The following PTPRC variants were observed in gnomAD, a reference collection of about 807,000 sequenced individuals.
PTPRC encodes the protein protein tyrosine phosphatase receptor type C, also known as receptor-type tyrosine-protein phosphatase C.
PTPRC carries 44 observed loss-of-function variants against 155.9 expected under a neutral mutation model. The ratio of observed to expected loss-of-function variants is 0.28; its 90% confidence interval spans 0.22 to 0.36. The LOEUF is 0.36. Among genes scored for constraint, PTPRC ranks in the 10% least tolerant of loss-of-function variants. The pLI, the probability that PTPRC is intolerant of heterozygous loss-of-function variation, is 1.00. For missense variants in PTPRC, 1,401 were observed against 1,564.6 expected, an observed-to-expected ratio of 0.90 and a Z score of 1.76; for synonymous variants, 525 against 533.1, an observed-to-expected ratio of 0.98 and a Z score of 0.21.
intron 2 of PTPRC, among the ~76,000 whole-genome samples, chr1:198,662,822 A>C (rs1204015431): frequency 1.3e-5 from 2 of 152,162 alleles, no homozygotes; most frequent in African/African-American, 4.8e-5. Flanking sequence ...TATAACTGTC[A>C]CACTTAAATG....
intron 11 of PTPRC, among the ~76,000 whole-genome samples, chr1:198,711,069 C>A (rs961072569): frequency 6.6e-6 from 1 of 152,074 alleles, no homozygotes; most frequent in Non-Finnish European, 1.5e-5. Flanking sequence ...CATGATCCGC[C>A]CACCTTGGCC....
intron 2 of PTPRC, 147 bp from the exon 3 acceptor site, chr1:198,692,200 G>A (rs1665964346): frequency 2.0e-6 from 1 of 493,144 alleles, no homozygotes; most frequent in African/African-American, 2.0e-5. Flanking sequence ...AGGAAATATA[G>A]TTTCATTAGG....
intron 23 of PTPRC, 102 bp downstream of exon 23, chr1:198,735,354 T>C: frequency 9.0e-7 from 1 of 1,113,448 alleles, no homozygotes; most frequent in Non-Finnish European, 1.3e-6. Flanking sequence ...GGAAAAATTA[T>C]TTTTGATAAC....
chr1:198,663,305 A>G (rs1235695332), intron 2 of PTPRC, among the ~76,000 whole-genome samples: 1 of 152,232 alleles, frequency 6.6e-6, no homozygotes, highest in Admixed American at 6.5e-5. Flanking sequence ...CAATTTGAAT[A>G]ATAATAGTCT....
Position 198,729,134 on chromosome 1 carries a change from C to T in PTPRC, c.1830-3C>T, listed in dbSNP as rs1002172116. ...TAGAAACTTATTTTTCCTATTTTCA[C>T]AGCAATTTAGATGAACAGCAGGAGC... On this transcript the variant is annotated splice_polypyrimidine_tract_variant and splice_region_variant and intron_variant, in intron 16 of 32. Transcript: ENST00000442510. 11 of 1,610,256 alleles carry T rather than the reference C, an allele frequency of 6.8e-6. No homozygotes were observed. Among genetic ancestry groups the T allele is most frequent in the Non-Finnish European group, 9.3e-6 (11 of 1,178,094 alleles).
rs750674861 is a variant in PTPRC at position 198,702,445 on chromosome 1, G to T, written c.498G>T (p.Leu166Phe). ...STFPTDPVSP[L>F]TTTLSLAHHS... ...TTCCTACAGACCCAGTTTCCCCATT[G>T]ACAACCACCCTCAGCCTTGCACACC... The change falls in exon 6 of 33, where the codon TTG becomes TTT. Residue 166 changes from leucine (L) to phenylalanine (F), a missense_variant. Coordinates refer to ENST00000442510, the MANE Select transcript of PTPRC (RefSeq NM_002838.5). 3.7e-6 allele frequency: 6 copies of T among 1,614,110 alleles called. No homozygotes were observed. In the Middle Eastern group the frequency reaches 4.9e-4, roughly 133 times the overall value.
At chr1:198,658,168 G>C (rs1274458688) in intron 2 of PTPRC, among the ~76,000 whole-genome samples, 1 of 152,034 alleles carries the variant, frequency 6.6e-6, no homozygotes, top group Admixed American at 6.6e-5. Flanking sequence ...GTTTTCCTTT[G>C]TCTTTGTATA....
chr1:198,719,783 G>A (rs1271456516), intron 14 of PTPRC, among the ~76,000 whole-genome samples: 2 of 151,848 alleles, frequency 1.3e-5, no homozygotes, highest in Non-Finnish European at 2.9e-5. Context: ...GCAAATTTTT[G>A]TATTTTCAGT....
At chr1:198,725,932 C>G (rs1003338840) in intron 15 of PTPRC, among the ~76,000 whole-genome samples, 2 of 152,150 alleles carry the variant, frequency 1.3e-5, no homozygotes, top group Non-Finnish European at 2.9e-5. Context: ...TTTCCCTTCT[C>G]TCATTTTCAC....
intron 2 of PTPRC, among the ~76,000 whole-genome samples, chr1:198,640,634 T>G (rs1164937734): frequency 1.3e-5 from 2 of 151,986 alleles, no homozygotes; most frequent in African/African-American, 4.8e-5. Flanking sequence ...TTATAAAGAA[T>G]AATAATCTCA....
At chr1:198,719,288 T>C (rs1475794912) in intron 14 of PTPRC, among the ~76,000 whole-genome samples, 1 of 152,132 alleles carries the variant, frequency 6.6e-6, no homozygotes, top group Non-Finnish European at 1.5e-5. Context: ...TATCTTTCTT[T>C]TAATGAAGTT....
chr1:198,706,414 A>G (rs912632721), intron 8 of PTPRC, among the ~76,000 whole-genome samples: 3 of 152,238 alleles, frequency 2.0e-5, no homozygotes, highest in African/African-American at 4.8e-5. Flanking sequence ...CCCATTAATG[A>G]TACATATTAT....
At chr1:198,740,407 G>A (rs1425192706) in intron 23 of PTPRC, among the ~76,000 whole-genome samples, 11 of 151,432 alleles carry the variant, frequency 7.3e-5, no homozygotes, top group African/African-American at 1.7e-4. Context: ...GTGAAACCCC[G>A]TCTCTACTAA....
At chr1:198,682,948 T>C (rs145234744) in intron 2 of PTPRC, among the ~76,000 whole-genome samples, 37 of 152,222 alleles carry the variant, frequency 2.4e-4, no homozygotes, top group African/African-American at 8.2e-4. Flanking sequence ...TTACTCATTT[T>C]TGAGTCCCTA....
chr1:198,748,201 T>C lies in PTPRC; in HGVS notation c.2938+2T>C. ...ACAGGAATTCTAATGTCATCCCATG[T>C]ATGTAGTTTATTTTTTTATTTTTTG... On this transcript the variant is annotated splice_donor_variant, in intron 27 of 32. Transcript: ENST00000442510. LOFTEE classifies it high-confidence loss of function. 6.3e-7 allele frequency: 1 copy of C among 1,599,846 alleles called. No homozygotes were observed. Among genetic ancestry groups the C allele is most frequent in the Non-Finnish European group, 8.5e-7 (1 of 1,174,208 alleles).
chr1:198,686,002 T>C (rs1665603693), intron 2 of PTPRC, among the ~76,000 whole-genome samples: 1 of 151,956 alleles, frequency 6.6e-6, no homozygotes, highest in African/African-American at 2.4e-5. Flanking sequence ...AAAGCCCAAG[T>C]ATGTCTTTTG....
rs1557979011 is a variant in PTPRC at position 198,665,079 on chromosome 1, C to CCTTTT, written c.73+25738_73+25739insCTTTT. Among the ~76,000 whole-genome samples, 10 of 102,244 alleles carry CCTTTT rather than the reference C, an allele frequency of 9.8e-5. 1 individual carries two copies. Among genetic ancestry groups the CCTTTT allele is most frequent in the African/African-American group, 1.8e-4 (5 of 28,170 alleles). 67.1% of individuals were successfully genotyped at this position (102,244 alleles called of 152,430 possible). On this transcript the variant is annotated intron_variant, in intron 2 of 32. Coordinates refer to ENST00000442510, the MANE Select transcript of PTPRC (RefSeq NM_002838.5). The stretch of plus-strand genomic sequence containing the variant: ...GAGTGTTTTTAGAACATCCCGGCAG[C>CCTTTT]ATTTTTTTTTTTTTTTTTTTTTTTT...
At chr1:198,698,004 C>A (rs1666286908) in intron 4 of PTPRC, among the ~76,000 whole-genome samples, 1 of 152,062 alleles carries the variant, frequency 6.6e-6, no homozygotes, top group African/African-American at 2.4e-5. Context: ...ACACATTGCC[C>A]AAAATTTTTA....
chr1:198,704,836 A>T (rs909100597), intron 8 of PTPRC, among the ~76,000 whole-genome samples: 1 of 152,202 alleles, frequency 6.6e-6, no homozygotes, highest in Non-Finnish European at 1.5e-5. Flanking sequence ...ACAAACTTGC[A>T]CATATAACCC....
Sources: allele counts gnomAD v4.1 joint callset (sites outside exome capture counted in the v4.1 genomes callset), GRCh38; gene constraint gnomAD v4.1.1; transcripts MANE v1.5; gene names NCBI Gene and HGNC (gene_info 2026-07-23, HGNC 2026-07-21).